Variants in CAPN7 observed in about 807,000 individuals in gnomAD.
CAPN7 encodes the protein calpain-7.
In CAPN7, 72 loss-of-function variants were observed where a neutral mutation model predicts 115.2. The observed-to-expected ratio is 0.63, with a 90% CI of 0.52 to 0.76. CAPN7 has a LOEUF of 0.76. Among genes scored for constraint, CAPN7 ranks in the 30% least tolerant of loss-of-function variants. The pLI, the probability that CAPN7 is intolerant of heterozygous loss-of-function variation, is 0.00. For missense variants in CAPN7, 905 were observed against 971.5 expected, an observed-to-expected ratio of 0.93 and a Z score of 0.91; for synonymous variants, 344 against 322.3, an observed-to-expected ratio of 1.07 and a Z score of -0.72.
intron 12 of CAPN7, among the ~76,000 whole-genome samples, chr3:15,240,113 A>G (rs989972396): frequency 3.3e-5 from 5 of 152,246 alleles, no homozygotes; most frequent in East Asian, 1.9e-4. Context: ...AACTCCTGCA[A>G]TGATGGAAAT....
At position 15,247,326 on chromosome 3, in the gene CAPN7, G is replaced by C; in HGVS notation, c.2074-1G>C. On this transcript the variant is annotated splice_acceptor_variant, in intron 18 of 20. Coordinates refer to ENST00000253693, the MANE Select transcript of CAPN7 (RefSeq NM_014296.3). LOFTEE classifies it high-confidence loss of function. The stretch of plus-strand genomic sequence containing the variant: ...AATACTAAAACTTTTGTTTTTATTA[G>C]ATTAATGGAAAGTGGAGTGGTCAGA... 1 of 1,547,988 alleles carries C rather than the reference G, an allele frequency of 6.5e-7. No homozygotes were observed. Among genetic ancestry groups the C allele is most frequent in the Admixed American group, 2.2e-5 (1 of 46,094 alleles).
intron 5 of CAPN7, among the ~76,000 whole-genome samples, chr3:15,222,905 A>G (rs1694085989): frequency 6.6e-6 from 1 of 152,212 alleles, no homozygotes; most frequent in South Asian, 2.1e-4. Flanking sequence ...CATCTCATAA[A>G]TAGAATAAGG....
At chr3:15,215,879 AG>A (rs2045222012) in intron 2 of CAPN7, among the ~76,000 whole-genome samples, 1 of 152,222 alleles carries the variant, frequency 6.6e-6, no homozygotes, top group South Asian at 2.1e-4. Flanking sequence ...TGAGGCCAGC[AG>A]TTTGAGACTA....
At chr3:15,220,534 T>TA (rs1373296655) in intron 4 of CAPN7, among the ~76,000 whole-genome samples, 1 of 152,256 alleles carries the variant, frequency 6.6e-6, no homozygotes, top group African/African-American at 2.4e-5. Context: ...TTATACCACT[T>TA]ACCTTACCTT....
chr3:15,208,667 A>C (rs1000983167), intron 1 of CAPN7, among the ~76,000 whole-genome samples: 1 of 152,126 alleles, frequency 6.6e-6, no homozygotes, highest in African/African-American at 2.4e-5. Flanking sequence ...ATAAGTAACG[A>C]TGTAGTTCAT....
chr3:15,250,989 C>A lies in CAPN7; in HGVS notation c.2263C>A (p.His755Asn). Residue 755 changes from histidine to asparagine, a missense_variant, in exon 20 of 21, where the codon CAT becomes AAT. Around this residue, in one of 3 missense-constraint regions of CAPN7, gnomAD observed 620 missense variants for 703.4 expected, o/e 0.88. Transcript: ENST00000253693. ...TVSTLGDPGP[H>N]GFLRKSSGDY... is the part of the protein sequence containing the mutation. The stretch of plus-strand genomic sequence containing the variant: ...TTCTACTCTAGGAGATCCTGGTCCC[C>A]ATGGCTTTCTGAGGAAATCTAGTGG... 6.2e-7 allele frequency: 1 copy of A among 1,613,600 alleles called. No individual in the cohort carries two copies.
At chr3:15,251,092 T>C (rs1249174237) in intron 20 of CAPN7, 24 bp from the exon 21 acceptor site, 7 of 1,601,048 alleles carry the variant, frequency 4.4e-6, no homozygotes, top group Admixed American at 3.5e-5. Flanking sequence ...CTATAAACCT[T>C]ATTCTCATTT....
At chr3:15,244,477 T>TA (rs1381265042) in intron 16 of CAPN7, among the ~76,000 whole-genome samples, 10 of 152,196 alleles carry the variant, frequency 6.6e-5, no homozygotes, top group African/African-American at 2.4e-4. Flanking sequence ...ATGGAAAGGT[T>TA]AAAAACCTTG....
intron 2 of CAPN7, among the ~76,000 whole-genome samples, chr3:15,213,224 T>C (rs3872640): frequency 0.052 from 7,969 of 152,304 alleles, 728 homozygotes; most frequent in African/African-American, 0.18. Flanking sequence ...TCATAACCAG[T>C]GTTTTCAAAT....
intron 12 of CAPN7, among the ~76,000 whole-genome samples, chr3:15,238,505 C>CT (rs199990464): frequency 0.021 from 3,251 of 152,256 alleles, 132 homozygotes; most frequent in African/African-American, 0.073. Flanking sequence ...ATCTTAGACT[C>CT]TGACAGCTCT....
chr3:15,239,716 G>A (rs1695228174), intron 12 of CAPN7, among the ~76,000 whole-genome samples: 1 of 152,054 alleles, frequency 6.6e-6, no homozygotes, highest in Admixed American at 6.6e-5. Flanking sequence ...CATCTTCTAG[G>A]GACACATCAT....
chr3:15,239,438 T>C (rs1251162636), intron 12 of CAPN7, among the ~76,000 whole-genome samples: 2 of 152,162 alleles, frequency 1.3e-5, no homozygotes, highest in Non-Finnish European at 2.9e-5. Context: ...TGGTATTTAC[T>C]AAGCATTTAC....
At chr3:15,239,278 T>C (rs1159176149) in intron 12 of CAPN7, among the ~76,000 whole-genome samples, 1 of 152,214 alleles carries the variant, frequency 6.6e-6, no homozygotes, top group African/African-American at 2.4e-5. Context: ...TGTGGTTGTT[T>C]AGATGTCTTC....
rs772289439 is a variant in CAPN7 at position 15,235,162 on chromosome 3, T to C, written c.1407+17T>C. On this transcript the variant is annotated intron_variant, in intron 12 of 20. Coordinates refer to ENST00000253693, the MANE Select transcript of CAPN7 (RefSeq NM_014296.3). ...GAGTTCAAGGTTTTGCCTTAAATCT[T>C]TTTCTTTTATTTTTCTTGTTGGATA... is the stretch of plus-strand genomic sequence containing the variant. 1 of 1,574,966 alleles carries C rather than the reference T, an allele frequency of 6.3e-7. No individual in the cohort carries two copies. The highest frequency in any genetic ancestry group is 2.3e-5 in the East Asian group (1 of 44,402).
intron 16 of CAPN7, among the ~76,000 whole-genome samples, chr3:15,244,671 G>A (rs1421527766): frequency 6.6e-6 from 1 of 152,162 alleles, no homozygotes; most frequent in African/African-American, 2.4e-5. Context: ...TATAGTAATT[G>A]TCATGCATAA....
intron 12 of CAPN7, 133 bp from the exon 13 acceptor site, chr3:15,240,340 T>TA: frequency 5.9e-6 from 5 of 846,246 alleles, no homozygotes; most frequent in Non-Finnish European, 7.4e-6. Context: ...GTGAAAGTGT[T>TA]AAAAATATTA....
intron 8 of CAPN7, 142 bp from the exon 9 acceptor site, chr3:15,230,300 A>C (rs1212032244): frequency 2.0e-6 from 1 of 496,896 alleles, no homozygotes; most frequent in Non-Finnish European, 3.7e-6. Flanking sequence ...TTCATTTTCT[A>C]GGCCTATTGT....
chr3:15,229,553 C>CTTTT (rs61081705), intron 8 of CAPN7, among the ~76,000 whole-genome samples: 3 of 88,302 alleles, frequency 3.4e-5, no homozygotes, highest in African/African-American at 1.1e-4. Flanking sequence ...ATTGGTTTTA[C>CTTTT]TTTTTTTCTT....
chr3:15,223,785 T>C (rs1694140305), intron 6 of CAPN7, among the ~76,000 whole-genome samples: 2 of 152,206 alleles, frequency 1.3e-5, no homozygotes, highest in African/African-American at 4.8e-5. Context: ...TTCTGTAGTG[T>C]CTAGCACAGT....
Sources: gnomAD v4.1 joint callset for allele counts (sites outside exome capture counted in the v4.1 genomes callset) on GRCh38, gnomAD v4.1.1 for gene constraint, gnomAD v4.1.1 regional missense constraint, MANE v1.5 for transcripts, NCBI Gene and HGNC (gene_info 2026-07-23, HGNC 2026-07-21) for gene names.